Variants in DNAJC10 observed in about 807,000 individuals in gnomAD.
The protein encoded by DNAJC10 is DnaJ heat shock protein family (Hsp40) member C10, also known as endoplasmic reticulum disulfide reductase DNAJC10.
Under a neutral mutation model 115.0 loss-of-function variants are expected in DNAJC10, and 101 were observed. The ratio of observed to expected loss-of-function variants is 0.88; its 90% CI spans 0.75 to 1.04. The LOEUF (loss-of-function observed/expected upper bound fraction) is 1.04, where lower values mean the gene tolerates loss of function less well. Among genes scored for constraint, DNAJC10 ranks in the 50% least tolerant of loss-of-function variants. The pLI is 0.00. For missense variants in DNAJC10, 981 were observed against 928.8 expected, an observed-to-expected ratio of 1.06 and a Z score of -0.73; for synonymous variants, 307 against 301.5, an observed-to-expected ratio of 1.02 and a Z score of -0.19.
Position 182,755,111 on chromosome 2 carries a change from C to T in DNAJC10, c.1653+7C>T. ...AATCTTGGAGTTCATAGAGGTATTT[C>T]AGATTATAGACTATGTGACTAGAAA... On this transcript the variant is annotated splice_region_variant and intron_variant, in intron 17 of 23. Transcript: ENST00000264065. 6.6e-7 allele frequency: 1 copy of T among 1,518,570 alleles called. No individual in the cohort carries two copies. Among genetic ancestry groups the T allele is most frequent in the Non-Finnish European group, 9.1e-7 (1 of 1,093,478 alleles). The allele number at this position is 1,518,570 out of a possible 1,614,324, so 94.1% of individuals were successfully genotyped here.
rs1657984333 is a variant in DNAJC10, at chr2:182,736,239, T to C, written c.850-10T>C. On this transcript the variant is annotated splice_polypyrimidine_tract_variant and intron_variant, in intron 10 of 23. Transcript: ENST00000264065. ...TTTACAACATGGTTTGTTGTTTCTT[T>C]CCATTTTAGGATGGTCTTGTTAATG... The C allele has an allele frequency of 6.4e-7, 1 of 1,552,504 alleles. No individual in the cohort carries two copies. The highest frequency in any genetic ancestry group is 8.6e-7 in the Non-Finnish European group (1 of 1,158,802).
intron 11 of DNAJC10, among the ~76,000 whole-genome samples, chr2:182,737,274 A>C (rs1693608464): frequency 1.3e-5 from 2 of 152,206 alleles, no homozygotes; most frequent in Admixed American, 1.3e-4. Flanking sequence ...CGGAATCCCA[A>C]AAGAAAGTAA....
chr2:182,763,817 T>G (rs1197656520), intron 22 of DNAJC10, among the ~76,000 whole-genome samples: 1 of 152,146 alleles, frequency 6.6e-6, no homozygotes, highest in Non-Finnish European at 1.5e-5. Context: ...TTGTTCTTCC[T>G]TGGTCATAGA....
At chr2:182,770,172 A>G (rs1003511475) in intron 22 of DNAJC10, among the ~76,000 whole-genome samples, 12 of 152,222 alleles carry the variant, frequency 7.9e-5, no homozygotes, top group Admixed American at 2.0e-4. Flanking sequence ...CCATTGGTCT[A>G]TATATCTGTT....
At position 182,781,673 on chromosome 2, in the gene DNAJC10, G is replaced by T. The variant is rs1175793934; in HGVS notation, c.*4541G>T. ...TCGCCATTCTAACTGATGTGACATG[G>T]TATCTCATTGTGTTTTTGATTTGCA... On this transcript the variant is annotated 3_prime_UTR_variant, in exon 24 of 24. Coordinates refer to ENST00000264065, the MANE Select transcript of DNAJC10 (RefSeq NM_018981.4). 6.6e-6 allele frequency: 1 copy of T among 152,082 alleles called. No individual in the cohort carries two copies. The highest frequency in any genetic ancestry group is 2.4e-5 in the African/African-American group (1 of 41,398). 9.4% of individuals were successfully genotyped at this position (152,082 alleles called of 1,614,324 possible).
intron 22 of DNAJC10, among the ~76,000 whole-genome samples, chr2:182,766,129 G>A (rs2105695195): frequency 6.6e-6 from 1 of 152,304 alleles, no homozygotes; most frequent in East Asian, 1.9e-4. Flanking sequence ...TTGGCAATCA[G>A]GACAAGTTTT....
chr2:182,752,696 G>T, intron 16 of DNAJC10: 5 of 289,060 alleles, frequency 1.7e-5, no homozygotes, highest in South Asian at 1.5e-4. Flanking sequence ...GTAATATCAC[G>T]TATAAAATAC....
chr2:182,730,146 G>A (rs564005745), intron 8 of DNAJC10, among the ~76,000 whole-genome samples: 2 of 152,146 alleles, frequency 1.3e-5, no homozygotes, highest in Non-Finnish European at 2.9e-5. Flanking sequence ...TTGAACTATC[G>A]AGATATGGGA....
At chr2:182,719,937 CAT>C (rs1400588455) in intron 3 of DNAJC10, 68 bp from the exon 4 acceptor site, 5 of 896,860 alleles carry the variant, frequency 5.6e-6, no homozygotes, top group African/African-American at 5.0e-5. Context: ...ATTAAACCTA[CAT>C]ATATGTTTTG....
chr2:182,757,992 T>C (rs1694200022), intron 19 of DNAJC10, among the ~76,000 whole-genome samples, 167 bp downstream of exon 19: 1 of 152,150 alleles, frequency 6.6e-6, no homozygotes. Flanking sequence ...AAAGGGAGTA[T>C]TGAACAGTCT....
chr2:182,776,634 A>G (rs542193037), intron 23 of DNAJC10, among the ~76,000 whole-genome samples: 2 of 152,314 alleles, frequency 1.3e-5, no homozygotes, highest in South Asian at 2.1e-4. Context: ...ACCCCAATAG[A>G]CAAAGCCTTA....
chr2:182,759,244 T>C lies in DNAJC10; in HGVS notation c.2082T>C (p.Asp694=). The C allele has an allele frequency of 8.1e-6, 13 of 1,612,492 alleles. No individual in the cohort carries two copies. Among genetic ancestry groups the C allele is most frequent in the Non-Finnish European group, 1.1e-5 (13 of 1,179,624 alleles). Residue 694 remains aspartate (D), a synonymous_variant, in exon 21 of 24, where the codon GAT becomes GAC. Coordinates refer to ENST00000264065, the MANE Select transcript of DNAJC10 (RefSeq NM_018981.4). ...VLQGKNHWVI[D]FYAPWCGPCQ... ...AAGGGAAAAATCATTGGGTGATTGA[T>C]TTCTATGCTCCTTGGTGTGGACCTT...
At chr2:182,776,112 A>G (rs566124545) in intron 23 of DNAJC10, among the ~76,000 whole-genome samples, 1 of 152,244 alleles carries the variant, frequency 6.6e-6, no homozygotes, top group South Asian at 2.1e-4. Flanking sequence ...ATTTTATGGT[A>G]TGTGAAATAT....
At chr2:182,770,477 C>T (rs1365026783) in intron 22 of DNAJC10, among the ~76,000 whole-genome samples, 2 of 151,926 alleles carry the variant, frequency 1.3e-5, no homozygotes, top group Non-Finnish European at 2.9e-5. Context: ...TGTTTGTGTC[C>T]TCTTTTATTT....
chr2:182,757,157 T>C (rs543544850), intron 18 of DNAJC10, among the ~76,000 whole-genome samples: 2 of 152,280 alleles, frequency 1.3e-5, no homozygotes, highest in East Asian at 3.9e-4. Context: ...TTGTAGAAGA[T>C]TGGAAACAAA....
At chr2:182,731,001 G>A (rs1174063684) in intron 8 of DNAJC10, 29 bp from the exon 9 acceptor site, 1 of 1,534,490 alleles carries the variant, frequency 6.5e-7, no homozygotes, top group Non-Finnish European at 9.0e-7. Flanking sequence ...TAGGTGATCA[G>A]AATTTGCTTT....
chr2:182,789,068 A>G lies in DNAJC10; in HGVS notation c.*11936A>G, dbSNP rs192665332. Reference sequence around the variant, plus strand: ...TAAAGCAAAACCTTTTTATTTACCAATGCTGCTAGACCCTGACAACCACCA... The same window carrying G: ...TAAAGCAAAACCTTTTTATTTACCAGTGCTGCTAGACCCTGACAACCACCA... On this transcript the variant is annotated 3_prime_UTR_variant, in exon 24 of 24. Coordinates refer to ENST00000264065, the MANE Select transcript of DNAJC10 (RefSeq NM_018981.4). The G allele has an allele frequency of 8.7e-5, 23 of 265,728 alleles. No homozygotes were observed. In the East Asian group the frequency reaches 2.5e-3, roughly 29 times the overall value. The allele number at this position is 265,728 out of a possible 1,614,324, so 16.5% of individuals were successfully genotyped here.
rs1208751652 is a variant in DNAJC10, at chr2:182,792,785, T to G, written c.*15653T>G. On this transcript the variant is annotated 3_prime_UTR_variant, in exon 24 of 24. Coordinates refer to ENST00000264065, the MANE Select transcript of DNAJC10 (RefSeq NM_018981.4). ...TTACATGAGCTCAACATGAGCCCCA[T>G]GTCACTCAGCAAACATTTATTTGAG... The G allele has an allele frequency of 6.6e-6, 1 of 152,204 alleles. No homozygotes were observed. The highest frequency in any genetic ancestry group is 2.4e-5 in the African/African-American group (1 of 41,464). The allele number at this position is 152,204 out of a possible 1,614,324, so 9.4% of individuals were successfully genotyped here.
chr2:182,763,443 C>T (rs1225174638), intron 22 of DNAJC10, among the ~76,000 whole-genome samples: 2 of 151,998 alleles, frequency 1.3e-5, no homozygotes, highest in Non-Finnish European at 2.9e-5. Flanking sequence ...TAAGAGAGTC[C>T]ACCCCAGCAT....
Sources: allele counts gnomAD v4.1 joint callset (sites outside exome capture counted in the v4.1 genomes callset), GRCh38; gene constraint gnomAD v4.1.1; transcripts MANE v1.5; gene names NCBI Gene and HGNC (gene_info 2026-07-23, HGNC 2026-07-21).